The following DTNB variants were observed in gnomAD, a reference collection of about 807,000 sequenced individuals.
DTNB encodes the protein DTN-B.
A neutral mutation model predicts 90.7 loss-of-function variants in DTNB; 63 were observed. That is an observed-to-expected ratio of 0.69 (90% CI 0.57 to 0.86). The LOEUF is 0.86. Ranked by LOEUF, DTNB falls within the 40% of genes least tolerant of loss-of-function variation. The pLI, the probability that DTNB is intolerant of heterozygous loss-of-function variation, is 0.00. For missense variants in DTNB, 744 were observed against 807.1 expected (o/e 0.92, Z 0.95); for synonymous variants, 277 against 286.7 (o/e 0.97, Z 0.34).
intron 16 of DTNB, among the ~76,000 whole-genome samples, chr2:25,418,453 C>A (rs1238440410): frequency 6.6e-6 from 1 of 152,190 alleles, no homozygotes; most frequent in Non-Finnish European, 1.5e-5. Context: ...GTAATCCCAG[C>A]ACTTTGGGAG....
chr2:25,444,755 G>T (rs1558552191), intron 12 of DTNB, among the ~76,000 whole-genome samples: 1 of 152,014 alleles, frequency 6.6e-6, no homozygotes, highest in Admixed American at 6.6e-5. Context: ...GAAGGTCTTT[G>T]AAAAAAATCA....
intron 18 of DTNB, among the ~76,000 whole-genome samples, chr2:25,386,704 A>G (rs2039563276): frequency 6.6e-6 from 1 of 152,174 alleles, no homozygotes; most frequent in African/African-American, 2.4e-5. Flanking sequence ...TGAATTGGTG[A>G]GGTGATGGAG....
At chr2:25,429,399 T>C (rs2053088587) in intron 14 of DTNB, among the ~76,000 whole-genome samples, 1 of 152,198 alleles carries the variant, frequency 6.6e-6, no homozygotes, top group Admixed American at 6.5e-5. Flanking sequence ...TCCTATCTTA[T>C]GCCCTTTGTG....
chr2:25,458,191 A>AT (rs912041445), intron 10 of DTNB, among the ~76,000 whole-genome samples: 2 of 152,098 alleles, frequency 1.3e-5, no homozygotes, highest in African/African-American at 2.4e-5. Flanking sequence ...TAATGAATCA[A>AT]TTTTTTCCGA....
intron 1 of DTNB, among the ~76,000 whole-genome samples, chr2:25,653,803 C>A (rs1205416815): frequency 5.3e-5 from 8 of 152,032 alleles, no homozygotes; most frequent in Non-Finnish European, 1.2e-4. Flanking sequence ...TGAGCCACCA[C>A]GCTCAGCCCT....
At chr2:25,620,559 T>C (rs945478807) in intron 4 of DTNB, among the ~76,000 whole-genome samples, 4 of 152,242 alleles carry the variant, frequency 2.6e-5, no homozygotes, top group Admixed American at 2.0e-4. Context: ...GAAAGATTAG[T>C]TAATGGTAAA....
intron 9 of DTNB, among the ~76,000 whole-genome samples, chr2:25,525,105 A>C (rs1276491522): frequency 2.0e-5 from 3 of 152,222 alleles, no homozygotes; most frequent in Non-Finnish European, 4.4e-5. Context: ...AATTTCAAAA[A>C]CATATTACTT....
intron 16 of DTNB, among the ~76,000 whole-genome samples, chr2:25,417,493 C>T (rs1393181053): frequency 5.9e-5 from 9 of 152,188 alleles, no homozygotes; most frequent in Non-Finnish European, 1.0e-4. Flanking sequence ...TCTACTGCTA[C>T]GACTAAGACC....
chr2:25,423,482 A>C (rs1229433952), intron 15 of DTNB, among the ~76,000 whole-genome samples: 3 of 152,186 alleles, frequency 2.0e-5, no homozygotes, highest in African/African-American at 7.2e-5. Flanking sequence ...GAAGCAGCAG[A>C]ATGAAAGAAC....
chr2:25,592,096 C>T (rs1370738149), intron 6 of DTNB, among the ~76,000 whole-genome samples: 1 of 151,210 alleles, frequency 6.6e-6, no homozygotes, highest in Non-Finnish European at 1.5e-5. Context: ...TATGCCTACC[C>T]AGCTTCAACA....
chr2:25,648,250 C>T (rs193150885), intron 2 of DTNB, among the ~76,000 whole-genome samples: 18 of 152,164 alleles, frequency 1.2e-4, no homozygotes, highest in Non-Finnish European at 2.4e-4. Flanking sequence ...TAATATATTC[C>T]ATTCTTCTTT....
At chr2:25,500,441 A>G (rs2070293936) in intron 9 of DTNB, among the ~76,000 whole-genome samples, 1 of 152,222 alleles carries the variant, frequency 6.6e-6, no homozygotes, top group African/African-American at 2.4e-5. Flanking sequence ...TACTAAACAC[A>G]TCAGGCCAAC....
At chr2:25,634,581 C>A (rs2076712997) in intron 3 of DTNB, among the ~76,000 whole-genome samples, 1 of 133,408 alleles carries the variant, frequency 7.5e-6, no homozygotes, top group African/African-American at 2.5e-5. Context: ...TGAGAACGGG[C>A]CAGGATGACA....
At position 25,524,218 on chromosome 2, in the gene DTNB, G is replaced by T. The variant is rs138536835; in HGVS notation, c.1001+7255C>A. ...GCCCGGCCCTTCTGTACTTTTTAAG[G>T]CCTTCTGATTGATCTTGGTATCAGC... is the stretch of plus-strand genomic sequence containing the variant. On this transcript the variant is annotated intron_variant, in intron 9 of 20. Transcript: ENST00000406818. 4.3e-3 allele frequency among the ~76,000 whole-genome samples: 652 copies of T among 151,876 alleles called. 4 individuals are homozygous for T. Among genetic ancestry groups the T allele is most frequent in the African/African-American group, 0.015 (611 of 41,440 alleles).
chr2:25,654,787 T>C (rs921327064), intron 1 of DTNB, among the ~76,000 whole-genome samples: 3 of 152,204 alleles, frequency 2.0e-5, no homozygotes, highest in Admixed American at 6.5e-5. Flanking sequence ...CTCCAACACT[T>C]GGACCCTGGA....
At chr2:25,384,884 C>CT (rs781402500) in intron 18 of DTNB, among the ~76,000 whole-genome samples, 2,701 of 146,250 alleles carry the variant, frequency 0.018, 37 homozygotes, top group Non-Finnish European at 0.029. Context: ...CTTTTCTTTT[C>CT]TTTTTTTTTT....
intron 12 of DTNB, among the ~76,000 whole-genome samples, chr2:25,450,591 G>C (rs1449534838): frequency 1.3e-5 from 2 of 152,158 alleles, no homozygotes; most frequent in Non-Finnish European, 2.9e-5. Context: ...AAAAAAGCCT[G>C]TTGAGATTTG....
intron 11 of DTNB, among the ~76,000 whole-genome samples, chr2:25,452,261 A>G (rs1301629757): frequency 7.9e-5 from 12 of 152,232 alleles, no homozygotes; most frequent in Non-Finnish European, 1.5e-4. Context: ...CTAAGGACCC[A>G]TTCAGACAGG....
chr2:25,388,405 C>T, intron 16 of DTNB, 44 bp from the exon 17 acceptor site: 1 of 1,555,894 alleles, frequency 6.4e-7, no homozygotes. Context: ...AAGTACCTGA[C>T]CTCTTTGAGG....
Sources: allele counts gnomAD v4.1 joint callset (sites outside exome capture counted in the v4.1 genomes callset), GRCh38; gene constraint gnomAD v4.1.1; transcripts MANE v1.5; gene names NCBI Gene and HGNC (gene_info 2026-07-23, HGNC 2026-07-21).